DDX20: variants seen among roughly 807,000 people sequenced by gnomAD.
DDX20 encodes the protein DEAD-box helicase 20.
In DDX20, 61 loss-of-function variants were observed where a neutral mutation model predicts 76.4. That is an observed-to-expected ratio of 0.80 (90% CI 0.65 to 0.99). DDX20 has a LOEUF of 0.99. DDX20 is among the 50% of genes least tolerant of loss of function. The pLI is 0.00. For missense variants in DDX20, 976 were observed against 996.8 expected (o/e 0.98, Z 0.28); for synonymous variants, 357 against 357.4 (o/e 1.00, Z 0.01).
Position 111,762,501 on chromosome 1 carries a change from AAT to A in DDX20, c.1104+167_1104+168del, listed in dbSNP as rs377007410. 2.9e-3 allele frequency: 2,377 copies of A among 823,950 alleles called. 58 individuals are homozygous for A. In the South Asian group the frequency reaches 0.04, roughly 14 times the overall value. The allele number at this position is 823,950 out of a possible 1,614,324, so 51.0% of individuals were successfully genotyped here. A position where few individuals can be genotyped will look rare whatever the true frequency, so the allele number is the denominator to read the frequency against. The stretch of plus-strand genomic sequence containing the variant: ...AAAATACTTTCTTAAAAATGTCTTT[AAT>A]ATGTTTATCTTTGTCCTTGAAATTA... On this transcript the variant is annotated intron_variant, in intron 8 of 10. Transcript: ENST00000369702.
At position 111,765,897 on chromosome 1, in the gene DDX20, C is replaced by T. The variant is rs1663767524; in HGVS notation, c.1473C>T (p.Asp491=). Residue 491 remains aspartate (D), a synonymous_variant, in exon 11 of 11, where the codon GAC becomes GAT. Transcript: ENST00000369702. The part of the protein sequence containing the change: ...RTLQIQKAHG[D]HMASSRNNSV... ...TTCAAATTCAGAAAGCTCATGGTGA[C>T]CACATGGCTTCCTCTAGAAATAATT... The T allele has an allele frequency of 6.2e-7, 1 of 1,613,818 alleles. No individual in the cohort carries two copies. Among genetic ancestry groups the T allele is most frequent in the Non-Finnish European group, 8.5e-7 (1 of 1,179,976 alleles).
At chr1:111,761,686 G>A (rs1663679897) in intron 7 of DDX20, 2 of 155,784 alleles carry the variant, frequency 1.3e-5, no homozygotes, top group Non-Finnish European at 1.4e-5. Context: ...TGGTTTTGTG[G>A]AAGGCAAAAG....
chr1:111,757,277 C>T (rs666918), intron 2 of DDX20, among the ~76,000 whole-genome samples: 1 of 152,106 alleles, frequency 6.6e-6, no homozygotes, highest in Admixed American at 6.5e-5. Context: ...CCTTGAACTC[C>T]TGGGTTCAAG....
Position 111,766,795 on chromosome 1 carries a change from G to C in DDX20, c.2371G>C (p.Ala791Pro). The C allele has an allele frequency of 6.2e-7, 1 of 1,614,082 alleles. No homozygotes were observed. Among genetic ancestry groups the C allele is most frequent in the Non-Finnish European group, 8.5e-7 (1 of 1,179,928 alleles). Residue 791 changes from alanine (A) to proline (P), a missense_variant, in exon 11 of 11, where the codon GCT (alanine) becomes CCT (proline). Around this residue, in one of 3 missense-constraint regions of DDX20, gnomAD observed 630 missense variants for 693.7 expected, o/e 0.91. Transcript: ENST00000369702. ...YRAWQEYYAA[A>P]SHSYYWNAQR... is the part of the protein sequence containing the mutation. The stretch of plus-strand genomic sequence containing the variant: ...GGCATGGCAAGAATATTATGCTGCC[G>C]CTTCTCATTCATATTATTGGAATGC...
chr1:111,760,407 CAA>C lies in DDX20; in HGVS notation c.566-66_566-65del, dbSNP rs372901528. On this transcript the variant is annotated intron_variant, in intron 3 of 10. Transcript: ENST00000369702. ...AACCTGTAAGTAATAAGTAGAGTAA[CAA>C]TATTGGCTGAGATTTACACAAATTT... 368 of 1,100,548 alleles carry C rather than the reference CAA, an allele frequency of 3.3e-4. 1 individual carries two copies. The African/African-American group carries it at 4.8e-3, about 14-fold the overall frequency. The allele number at this position is 1,100,548 out of a possible 1,614,324, so 68.2% of individuals were successfully genotyped here.
Position 111,756,689 on chromosome 1 carries a change from G to A in DDX20, c.345G>A (p.Val115=). 6.2e-7 allele frequency: 1 copy of A among 1,614,140 alleles called. No individual in the cohort carries two copies. The highest frequency in any genetic ancestry group is 8.5e-7 in the Non-Finnish European group (1 of 1,180,012). ...QAKSGTGKTC[V]FSTIALDSLV... is the part of the protein sequence containing the mutation. ...AATCTGGCACCGGGAAAACCTGTGT[G>A]TTCTCCACCATAGCTTTGGACTCTC... Residue 115 remains valine, a synonymous_variant, in exon 2 of 11, where the codon GTG becomes GTA. Coordinates refer to ENST00000369702, the MANE Select transcript of DDX20 (RefSeq NM_007204.5).
rs752935156 is a variant in DDX20, at chr1:111,763,016, C to T, written c.1312+9C>T. ...CCTTCTCCCTTTACCAGGTACATTT[C>T]ATCTGTTTCATTATTTCAAAATAAT... On this transcript the variant is annotated intron_variant, in intron 10 of 10. Transcript: ENST00000369702. The T allele has an allele frequency of 1.9e-6, 3 of 1,578,016 alleles. No homozygotes were observed. Among genetic ancestry groups the T allele is most frequent in the Admixed American group, 1.7e-5 (1 of 59,684 alleles).
At chr1:111,759,993 AAAGAAATG>A (rs1280985302) in intron 3 of DDX20, among the ~76,000 whole-genome samples, 5 of 139,090 alleles carry the variant, frequency 3.6e-5, no homozygotes, top group African/African-American at 9.7e-5. Context: ...AAAAAAAAAA[AAAGAAATG>A]AAGAGCATTA....
intron 2 of DDX20, 132 bp downstream of exon 2, chr1:111,756,872 A>C: frequency 1.4e-6 from 1 of 718,446 alleles, no homozygotes; most frequent in Non-Finnish European, 2.4e-6. Flanking sequence ...GTGGTGGCGA[A>C]ATTTGGAATT....
Position 111,766,644 on chromosome 1 carries a change from G to C in DDX20, c.2220G>C (p.Arg740Ser), listed in dbSNP as rs114601570. 25 of 1,614,158 alleles carry C rather than the reference G, an allele frequency of 1.5e-5. No homozygotes were observed. In the African/African-American group the frequency reaches 2.7e-4, roughly 17 times the overall value. ...AGCAGAGCCGGAGAAACCTACCCAG[G>C]CGGTCTTCCTTCAGATTGCAGACTG... ...RAKQSRRNLP[R>S]RSSFRLQTEA... Residue 740 changes from arginine (R) to serine (S), a missense_variant, in exon 11 of 11, where the codon AGG becomes AGC. This residue lies in a region of DDX20 where 630 missense variants were observed against 693.7 expected (regional missense o/e 0.91). Transcript: ENST00000369702.
At position 111,760,819 on chromosome 1, in the gene DDX20, G is replaced by C; in HGVS notation, c.794G>C (p.Arg265Thr). Residue 265 changes from arginine to threonine, a missense_variant, in exon 5 of 11, where the codon AGA becomes ACA. Physicochemically the swap from Arg to Thr is moderately conservative, Grantham distance 71. Coordinates refer to ENST00000369702, the MANE Select transcript of DDX20 (RefSeq NM_007204.5). ...TKYMRDPTFV[R>T]LNSSDPSLIG... ...TACATGAGAGATCCCACTTTTGTAA[G>C]ACTGAATTCCAGTGATCCAAGTCTC... The C allele has an allele frequency of 2.5e-6, 4 of 1,613,212 alleles. No homozygotes were observed. The highest frequency in any genetic ancestry group is 3.4e-6 in the Non-Finnish European group (4 of 1,179,762).
Position 111,766,268 on chromosome 1 carries a change from A to C in DDX20, c.1844A>C (p.His615Pro). 1 of 1,614,176 alleles carries C rather than the reference A, an allele frequency of 6.2e-7. No individual in the cohort carries two copies. The highest frequency in any genetic ancestry group is 8.5e-7 in the Non-Finnish European group (1 of 1,180,038). The change falls in exon 11 of 11, where the codon CAC becomes CCC. Residue 615 changes from histidine to proline, a missense_variant. Coordinates refer to ENST00000369702, the MANE Select transcript of DDX20 (RefSeq NM_007204.5). ...GLEKPVEIIR[H>P]YTGPGDQTVN... ...GAGAAACCTGTGGAAATCATCAGGC[A>C]CTACACAGGCCCTGGGGATCAGACT...
At chr1:111,762,815 T>TTTAAGGGGCGG in intron 9 of DDX20, 33 bp downstream of exon 9, 1 of 1,588,636 alleles carries the variant, frequency 6.3e-7, no homozygotes, top group Non-Finnish European at 8.6e-7. Context: ...GAGTGCTTTC[T>TTTAAGGGGCGG]TTAAGGGGAG....
intron 2 of DDX20, among the ~76,000 whole-genome samples, chr1:111,758,423 C>G (rs1033700426): frequency 1.3e-5 from 2 of 148,298 alleles, no homozygotes; most frequent in African/African-American, 5.0e-5. Flanking sequence ...TTGTTTTCTC[C>G]TCCTCCAGTA....
chr1:111,755,905 G>T lies in DDX20; in HGVS notation c.-20G>T, dbSNP rs1431141048. The T allele has an allele frequency of 6.4e-7, 1 of 1,565,704 alleles. No homozygotes were observed. ...CCCCGCCTCCCCTTAAGCACCGCGA[G>T]ATCTGACGGCGCGGCTACCATGGCG... On this transcript the variant is annotated 5_prime_UTR_variant, in exon 1 of 11. Coordinates refer to ENST00000369702, the MANE Select transcript of DDX20 (RefSeq NM_007204.5).
chr1:111,763,062 T>C, intron 10 of DDX20, 55 bp downstream of exon 10: 2 of 1,356,804 alleles, frequency 1.5e-6, no homozygotes, highest in Non-Finnish European at 2.1e-6. Flanking sequence ...ATAAGCATAA[T>C]AAAAATGATA....
chr1:111,760,487 A>C lies in DDX20; in HGVS notation c.579A>C (p.Gln193His). The C allele has an allele frequency of 6.3e-7, 1 of 1,592,566 alleles. No individual in the cohort carries two copies. The highest frequency in any genetic ancestry group is 8.5e-7 in the Non-Finnish European group (1 of 1,174,226). Residue 193 changes from glutamine to histidine, a missense_variant, in exon 4 of 11, where the codon CAA (glutamine) becomes CAC (histidine). Around this residue, in one of 3 missense-constraint regions of DDX20, gnomAD observed 343 missense variants for 286.4 expected, o/e 1.20. Coordinates refer to ENST00000369702, the MANE Select transcript of DDX20 (RefSeq NM_007204.5). ...TTTTTTAATTAGGCAGAATTAAGCA[A>C]CTCATAGAACTTGACTACTTGAACC... The part of the protein sequence containing the change: ...IAVGSPGRIK[Q>H]LIELDYLNPG...
chr1:111,766,245 G>C lies in DDX20; in HGVS notation c.1821G>C (p.Glu607Asp). The C allele has an allele frequency of 1.2e-6, 2 of 1,614,154 alleles. No homozygotes were observed. Among genetic ancestry groups the C allele is most frequent in the Admixed American group, 1.7e-5 (1 of 60,026 alleles). Residue 607 changes from glutamate to aspartate, a missense_variant, in exon 11 of 11, where the codon GAG (glutamate) becomes GAC (aspartate). By Grantham distance (45) the Glu-to-Asp change is conservative. Around this residue, in one of 3 missense-constraint regions of DDX20, gnomAD observed 630 missense variants for 693.7 expected, o/e 0.91. Coordinates refer to ENST00000369702, the MANE Select transcript of DDX20 (RefSeq NM_007204.5). ...AACATTATATTAAAGAGGGGTTAGA[G>C]AAACCTGTGGAAATCATCAGGCACT... ...DYEHYIKEGL[E>D]KPVEIIRHYT...
intron 10 of DDX20, among the ~76,000 whole-genome samples, chr1:111,764,620 AAAT>A (rs1260291188): frequency 2.6e-5 from 4 of 152,218 alleles, no homozygotes; most frequent in African/African-American, 9.7e-5. Context: ...TATGGGAAAA[AAAT>A]TGAAAATTGG....
Sources: allele counts gnomAD v4.1 joint callset (sites outside exome capture counted in the v4.1 genomes callset), GRCh38; gene constraint gnomAD v4.1.1; regional missense constraint gnomAD v4.1.1; transcripts MANE v1.5; gene names NCBI Gene and HGNC (gene_info 2026-07-23, HGNC 2026-07-21).